ZNF93: variants seen among roughly 807,000 people sequenced by gnomAD.
ZNF93 encodes zinc finger protein 505.
A neutral mutation model predicts 45.0 loss-of-function variants in ZNF93; 29 were observed. The observed-to-expected ratio is 0.64, with a 90% CI of 0.48 to 0.88. ZNF93 has a LOEUF of 0.88. Ranked by LOEUF, ZNF93 falls within the 40% of genes least tolerant of loss-of-function variation. The pLI, the probability that ZNF93 is intolerant of heterozygous loss-of-function variation, is 0.00. For synonymous variants in ZNF93, 223 were observed against 244.6 expected (o/e 0.91, Z 0.82); for missense variants, 578 against 724.0 (o/e 0.80, Z 2.31).
At chr19:19,922,744 T>C (rs914933622) in intron 3 of ZNF93, among the ~76,000 whole-genome samples, 1 of 152,244 alleles carries the variant, frequency 6.6e-6, no homozygotes, top group Non-Finnish European at 1.5e-5. Context: ...TACTGATGCT[T>C]ATGCATTTGT....
intron 3 of ZNF93, among the ~76,000 whole-genome samples, chr19:19,926,575 C>T (rs62135327): frequency 2.0e-5 from 3 of 150,282 alleles, no homozygotes; most frequent in East Asian, 2.0e-4. Flanking sequence ...CCTCTGCCTC[C>T]GGGGTTCAAG....
At chr19:19,924,610 G>A (rs552313712) in intron 3 of ZNF93, among the ~76,000 whole-genome samples, 312 of 149,838 alleles carry the variant, frequency 2.1e-3, no homozygotes, top group Non-Finnish European at 3.7e-3. Context: ...CTTTTTTTGA[G>A]GTGGGGTTTC....
chr19:19,930,838 T>C lies in ZNF93; in HGVS notation c.227-2344T>C, dbSNP rs75168484. Reference sequence around the variant, plus strand: ...ATCTGGTATAACTATTCTTATCTTATATTTTATTATGCTGGAACAGCTCAT... The same window carrying C: ...ATCTGGTATAACTATTCTTATCTTACATTTTATTATGCTGGAACAGCTCAT... On this transcript the variant is annotated intron_variant, in intron 3 of 3. Transcript: ENST00000343769. 6.0e-3 allele frequency among the ~76,000 whole-genome samples: 916 copies of C among 152,338 alleles called. 8 individuals carry two copies. Among genetic ancestry groups the C allele is most frequent in the African/African-American group, 0.021 (874 of 41,586 alleles).
chr19:19,927,400 T>G (rs1360762867), intron 3 of ZNF93: 6 of 389,266 alleles, frequency 1.5e-5, no homozygotes, highest in Non-Finnish European at 2.7e-5. Context: ...ATATTCACAT[T>G]GTTATGCAAA....
At chr19:19,908,444 G>T (rs941447275) in intron 1 of ZNF93, 2 of 152,140 alleles carry the variant, frequency 1.3e-5, no homozygotes, top group Non-Finnish European at 2.9e-5. Context: ...TGCACTTTGG[G>T]TGTTTAGAAA....
At chr19:19,930,724 A>T (rs1258792185) in intron 3 of ZNF93, among the ~76,000 whole-genome samples, 2 of 152,154 alleles carry the variant, frequency 1.3e-5, no homozygotes, top group African/African-American at 4.8e-5. Flanking sequence ...GTGATTATAG[A>T]TCGAGGATTA....
intron 1 of ZNF93, among the ~76,000 whole-genome samples, chr19:19,903,928 G>A (rs1238765219): frequency 6.6e-6 from 1 of 151,476 alleles, no homozygotes; most frequent in Non-Finnish European, 1.5e-5. Context: ...AAAACTAGGC[G>A]GGCGCTTGTA....
intron 1 of ZNF93, among the ~76,000 whole-genome samples, chr19:19,913,560 T>C (rs1568508323): frequency 1.3e-5 from 2 of 152,138 alleles, no homozygotes; most frequent in Non-Finnish European, 2.9e-5. Context: ...GTAGCAAAAG[T>C]TGCTGGTGTC....
chr19:19,903,809 A>G lies in ZNF93; in HGVS notation c.3+2718A>G, dbSNP rs535829236. ...TTTCAGGCCAGGCGCGGTGGCTCAC[A>G]CCTGTAATCCGAGCACTGTGGGAGG... is the stretch of plus-strand genomic sequence containing the variant. On this transcript the variant is annotated intron_variant, in intron 1 of 3. Coordinates refer to ENST00000343769, the MANE Select transcript of ZNF93 (RefSeq NM_031218.4). Among the ~76,000 whole-genome samples, 8 of 151,744 alleles carry G rather than the reference A, an allele frequency of 5.3e-5. No individual in the cohort carries two copies. The South Asian group carries it at 1.7e-3, about 32-fold the overall frequency.
Position 19,901,052 on chromosome 19 carries a change from C to T in ZNF93, c.-37C>T, listed in dbSNP as rs1170133214. The T allele has an allele frequency of 6.2e-7, 1 of 1,613,006 alleles. No homozygotes were observed. The highest frequency in any genetic ancestry group is 1.1e-5 in the South Asian group (1 of 91,050). ...CTGTGACCTGCAGGTATTGGGAGAT[C>T]CACAGCTAAGACACCAGGACCCCTG... On this transcript the variant is annotated 5_prime_UTR_variant, in exon 1 of 4. Transcript: ENST00000343769.
chr19:19,934,908 C>A lies in ZNF93; in HGVS notation c.*90C>A. On this transcript the variant is annotated 3_prime_UTR_variant, in exon 4 of 4. Transcript: ENST00000343769. ...GAACTTACTCTGTAACCATCCCAAACTCCTCCCAGGCACAGTCTGGCAGAG... is the reference window on the plus strand; with the variant it reads ...GAACTTACTCTGTAACCATCCCAAAATCCTCCCAGGCACAGTCTGGCAGAG... 1 of 1,391,008 alleles carries A rather than the reference C, an allele frequency of 7.2e-7. No individual in the cohort carries two copies. The highest frequency in any genetic ancestry group is 9.7e-7 in the Non-Finnish European group (1 of 1,030,088). 86.2% of individuals were successfully genotyped at this position (1,391,008 alleles called of 1,614,324 possible).
chr19:19,918,301 A>T (rs80048927), intron 3 of ZNF93, among the ~76,000 whole-genome samples: 23,439 of 152,094 alleles, frequency 0.15, 2,076 homozygotes, highest in East Asian at 0.41. Flanking sequence ...TTATGGTTGC[A>T]TAGTATTCCA....
At chr19:19,908,169 G>C (rs1469224970) in intron 1 of ZNF93, 1 of 152,144 alleles carries the variant, frequency 6.6e-6, no homozygotes, top group Non-Finnish European at 1.5e-5. Context: ...ATAAAGACAG[G>C]TGATGTGGCC....
chr19:19,928,175 A>T (rs1476910670), intron 3 of ZNF93, among the ~76,000 whole-genome samples: 1 of 152,226 alleles, frequency 6.6e-6, no homozygotes, highest in Non-Finnish European at 1.5e-5. Flanking sequence ...ATCAGTGTTG[A>T]TAATCAGTTC....
chr19:19,919,382 A>G (rs2063335643), intron 3 of ZNF93, among the ~76,000 whole-genome samples: 1 of 152,214 alleles, frequency 6.6e-6, no homozygotes, highest in Non-Finnish European at 1.5e-5. Context: ...GAAGTCAGGT[A>G]GCATGATGCC....
At chr19:19,910,650 CTTT>C (rs35098061) in intron 1 of ZNF93, among the ~76,000 whole-genome samples, 37 of 138,176 alleles carry the variant, frequency 2.7e-4, no homozygotes, top group Middle Eastern at 7.6e-3. Flanking sequence ...GTTCTTTCAG[CTTT>C]TTTTTTTTTT....
At chr19:19,931,951 T>C in intron 3 of ZNF93, 1 of 379,056 alleles carries the variant, frequency 2.6e-6, no homozygotes, top group Admixed American at 3.4e-5. Context: ...AAACTATGCC[T>C]CTATATTTTC....
At chr19:19,917,080 T>G (rs1319330531) in intron 3 of ZNF93, among the ~76,000 whole-genome samples, 1 of 152,194 alleles carries the variant, frequency 6.6e-6, no homozygotes, top group Non-Finnish European at 1.5e-5. Context: ...TTTTTGTTCA[T>G]TTTTCTTTAT....
intron 1 of ZNF93, among the ~76,000 whole-genome samples, chr19:19,901,492 G>A (rs2063270895): frequency 6.6e-6 from 1 of 152,104 alleles, no homozygotes. Flanking sequence ...AAAATTTATG[G>A]GGCTGGGCAA....
Sources: gnomAD v4.1 joint callset for allele counts (sites outside exome capture counted in the v4.1 genomes callset) on GRCh38, gnomAD v4.1.1 for gene constraint, MANE v1.5 for transcripts, NCBI Gene and HGNC (gene_info 2026-07-23, HGNC 2026-07-21) for gene names.